The following MFSD6 variants were observed in gnomAD, a reference collection of about 807,000 sequenced individuals.
MFSD6 encodes the protein major facilitator superfamily domain containing 6.
MFSD6 carries 26 observed loss-of-function variants against 56.3 expected under a neutral mutation model. That is an observed-to-expected ratio of 0.46 (90% CI 0.34 to 0.64). MFSD6 has a LOEUF of 0.64. MFSD6 is among the 30% of genes least tolerant of loss of function. The pLI is 0.01. For synonymous variants in MFSD6, 331 were observed against 366.9 expected (o/e 0.90, Z 1.12); for missense variants, 750 against 986.2 (o/e 0.76, Z 3.21).
chr2:190,467,512 C>G lies in MFSD6; in HGVS notation c.1533-2246C>G, dbSNP rs766652179. Among the ~76,000 whole-genome samples, 1 of 152,148 alleles carries G rather than the reference C, an allele frequency of 6.6e-6. No individual in the cohort carries two copies. Among genetic ancestry groups the G allele is most frequent in the Non-Finnish European group, 1.5e-5 (1 of 68,030 alleles). ...CCTGTAATCCCAGCTAGTCAGGAGG[C>G]TGAGGCGGGAGAATTGCTTGAACCT... is the stretch of plus-strand genomic sequence containing the variant. On this transcript the variant is annotated intron_variant, in intron 3 of 7. Coordinates refer to ENST00000392328, the MANE Select transcript of MFSD6 (RefSeq NM_017694.4). The surrounding 1 kb of genome is among the most constrained non-coding windows in gnomAD (Gnocchi z 5.5).
chr2:190,483,626 A>G (rs1307602523), intron 4 of MFSD6, among the ~76,000 whole-genome samples: 4 of 152,028 alleles, frequency 2.6e-5, no homozygotes, highest in Non-Finnish European at 5.9e-5. Context: ...CACGAGGTCA[A>G]GAGATCAAGA....
rs375435818 is a variant in MFSD6, at chr2:190,433,479, A to C, written c.-53-2498A>C. The stretch of plus-strand genomic sequence containing the variant: ...CTTCACATTTTCTAGGAGGAAAAAA[A>C]TGTTTTTCTTTCACTATTAAGAAAA... On this transcript the variant is annotated intron_variant, in intron 2 of 7. Transcript: ENST00000392328. This position sits in a 1 kb window ranked among gnomAD's most constrained non-coding sequence, Gnocchi z 4.5. 49 of 152,344 alleles carry C rather than the reference A, an allele frequency of 3.2e-4. No individual in the cohort carries two copies. The highest frequency in any genetic ancestry group is 1.1e-3 in the African/African-American group (46 of 41,582). The allele number at this position is 152,344 out of a possible 1,614,324, so 9.4% of individuals were successfully genotyped here.
At position 190,488,619 on chromosome 2, in the gene MFSD6, C is replaced by A; in HGVS notation, c.1631-38C>A. ...TCAAAACAGAGTAGCCTAAGAAATG[C>A]TAACCAACTAATCCCTCCTGCTCTT... On this transcript the variant is annotated intron_variant, in intron 4 of 7. Coordinates refer to ENST00000392328, the MANE Select transcript of MFSD6 (RefSeq NM_017694.4). This position sits in a 1 kb window ranked among gnomAD's most constrained non-coding sequence, Gnocchi z 6.4. The A allele has an allele frequency of 7.1e-7, 1 of 1,407,158 alleles. No individual in the cohort carries two copies. Among genetic ancestry groups the A allele is most frequent in the African/African-American group, 1.5e-5 (1 of 67,826 alleles). 87.2% of individuals were successfully genotyped at this position (1,407,158 alleles called of 1,614,324 possible). A position where few individuals can be genotyped will look rare whatever the true frequency, so the allele number is the denominator to read the frequency against.
chr2:190,431,578 G>A lies in MFSD6; in HGVS notation c.-53-4399G>A, dbSNP rs568773714. 3.3e-5 allele frequency among the ~76,000 whole-genome samples: 5 copies of A among 152,336 alleles called. No individual in the cohort carries two copies. The highest frequency in any genetic ancestry group is 2.1e-4 in the South Asian group (1 of 4,830). ...AAACCAGTCAGGTGTGGCGGCGCGC[G>A]CCTGCAATCGCAGGCACTTGGCAGG... On this transcript the variant is annotated intron_variant, in intron 2 of 7. Coordinates refer to ENST00000392328, the MANE Select transcript of MFSD6 (RefSeq NM_017694.4). This position sits in a 1 kb window ranked among gnomAD's most constrained non-coding sequence, Gnocchi z 4.4.
intron 6 of MFSD6, among the ~76,000 whole-genome samples, chr2:190,493,611 A>G (rs1191961635): frequency 2.6e-5 from 4 of 152,238 alleles, no homozygotes; most frequent in Admixed American, 2.0e-4. Context: ...AAGATAGACT[A>G]TATGATAGGC....
Position 190,496,088 on chromosome 2 carries a change from T to C in MFSD6, c.1892-1351T>C, listed in dbSNP as rs768851946. 6.6e-6 allele frequency among the ~76,000 whole-genome samples: 1 copy of C among 151,770 alleles called. No individual in the cohort carries two copies. The highest frequency in any genetic ancestry group is 2.4e-5 in the African/African-American group (1 of 41,296). On this transcript the variant is annotated intron_variant, in intron 6 of 7. Coordinates refer to ENST00000392328, the MANE Select transcript of MFSD6 (RefSeq NM_017694.4). This position sits in a 1 kb window ranked among gnomAD's most constrained non-coding sequence, Gnocchi z 4.7. ...AGTGGGAGAAAATCTTCAGTCTATATATCCGACAAAGGACTAATATCCAGA... is the reference window on the plus strand; with the variant it reads ...AGTGGGAGAAAATCTTCAGTCTATACATCCGACAAAGGACTAATATCCAGA...
Position 190,408,386 on chromosome 2 carries a change from C to T in MFSD6, c.-293C>T, listed in dbSNP as rs1479142466. ...GCCCCGGAGGAGCGCGCGAGCAGCC[C>T]GGGATGGTGCGCGCTGCCCCGACAG... On this transcript the variant is annotated 5_prime_UTR_variant, in exon 1 of 8. Coordinates refer to ENST00000392328, the MANE Select transcript of MFSD6 (RefSeq NM_017694.4). 2 of 150,552 alleles carry T rather than the reference C, an allele frequency of 1.3e-5. No homozygotes were observed. Among genetic ancestry groups the T allele is most frequent in the African/African-American group, 4.9e-5 (2 of 41,064 alleles). The allele number at this position is 150,552 out of a possible 1,614,324, so 9.3% of individuals were successfully genotyped here.
In MFSD6 at chr2:190,425,315, GTCTTTTGTTT is replaced by G. The variant is rs1685753724; in HGVS notation, c.-54+9909_-54+9918del. The stretch of plus-strand genomic sequence containing the variant: ...CAGTTTCTTTGTTTTTGATCTGTAT[GTCTTTTGTTT>G]TCTTTTATTTCCTATTGCACTGGTG... On this transcript the variant is annotated intron_variant, in intron 2 of 7. Transcript: ENST00000392328. This position sits in a 1 kb window ranked among gnomAD's most constrained non-coding sequence, Gnocchi z 4.3. Among the ~76,000 whole-genome samples the G allele has an allele frequency of 7.9e-5, 12 of 152,266 alleles. 2 individuals are homozygous for G. The South Asian group carries it at 2.5e-3, about 32-fold the overall frequency.
intron 3 of MFSD6, among the ~76,000 whole-genome samples, chr2:190,453,465 T>G (rs1315575112): frequency 6.6e-6 from 1 of 152,228 alleles, no homozygotes; most frequent in African/African-American, 2.4e-5. Context: ...CTCCTCTCTA[T>G]TCCCCTTTCT....
At position 190,481,292 on chromosome 2, in the gene MFSD6, C is replaced by CAACACATATATTTTTTTAAGT. The variant is rs1378445801; in HGVS notation, c.1631-7362_1631-7361insACATATATTTTTTTAAGTAAC. Among the ~76,000 whole-genome samples, 6 of 152,234 alleles carry CAACACATATATTTTTTTAAGT rather than the reference C, an allele frequency of 3.9e-5. No homozygotes were observed. The East Asian group carries it at 1.2e-3, about 29-fold the overall frequency. On this transcript the variant is annotated intron_variant, in intron 4 of 7. Coordinates refer to ENST00000392328, the MANE Select transcript of MFSD6 (RefSeq NM_017694.4). ...ACATCAGTTATAGACTTTTTTTAAG[C>CAACACATATATTTTTTTAAGT]AACTCATATATTTTTTTAAGTTTGC... is the stretch of plus-strand genomic sequence containing the variant.
chr2:190,499,842 G>T lies in MFSD6; in HGVS notation c.2173-173G>T. On this transcript the variant is annotated intron_variant, in intron 7 of 7. Coordinates refer to ENST00000392328, the MANE Select transcript of MFSD6 (RefSeq NM_017694.4). This position sits in a 1 kb window ranked among gnomAD's most constrained non-coding sequence, Gnocchi z 6.0. Reference sequence around the variant, plus strand: ...ATGCGGCTCTGGCAGTTGCACATAGGAAAGGAGATGAAAGGTAAGACATTC... The same window carrying T: ...ATGCGGCTCTGGCAGTTGCACATAGTAAAGGAGATGAAAGGTAAGACATTC... 6.5e-7 allele frequency: 1 copy of T among 1,545,238 alleles called. No individual in the cohort carries two copies.
At position 190,416,073 on chromosome 2, in the gene MFSD6, A is replaced by G. The variant is rs1690763515; in HGVS notation, c.-54+660A>G. On this transcript the variant is annotated intron_variant, in intron 2 of 7. Coordinates refer to ENST00000392328, the MANE Select transcript of MFSD6 (RefSeq NM_017694.4). The surrounding 1 kb of genome is among the most constrained non-coding windows in gnomAD (Gnocchi z 4.1). ...AAGTTCTGGGGCCTGCTTCAAATTTATATTATAAATTATGCTATATTGGCA... is the reference window on the plus strand; with the variant it reads ...AAGTTCTGGGGCCTGCTTCAAATTTGTATTATAAATTATGCTATATTGGCA... Among the ~76,000 whole-genome samples, 1 of 152,238 alleles carries G rather than the reference A, an allele frequency of 6.6e-6. No homozygotes were observed. Among genetic ancestry groups the G allele is most frequent in the Non-Finnish European group, 1.5e-5 (1 of 68,048 alleles).
rs954309426 is a variant in MFSD6 at position 190,499,311 on chromosome 2, C to T, written c.2173-704C>T. Among the ~76,000 whole-genome samples the T allele has an allele frequency of 1.4e-4, 21 of 152,016 alleles. No homozygotes were observed. Among genetic ancestry groups the T allele is most frequent in the African/African-American group, 5.1e-4 (21 of 41,404 alleles). ...AAATGAACATTTTTATTTGGGTGTT[C>T]AGCCAAAAAGTGATGGGTACTAATT... On this transcript the variant is annotated intron_variant, in intron 7 of 7. Transcript: ENST00000392328. The surrounding 1 kb of genome is among the most constrained non-coding windows in gnomAD (Gnocchi z 6.0).
In MFSD6 at chr2:190,434,320, CA is replaced by C. The variant is rs1241886265; in HGVS notation, c.-53-1656del. ...ACACAAGACCTTTTGACACTTTAAT[CA>C]TTCAATCTTTAATAGAAGAAAGGGA... is the stretch of plus-strand genomic sequence containing the variant. On this transcript the variant is annotated intron_variant, in intron 2 of 7. Transcript: ENST00000392328. This position sits in a 1 kb window ranked among gnomAD's most constrained non-coding sequence, Gnocchi z 4.3. Among the ~76,000 whole-genome samples, 1 of 152,164 alleles carries C rather than the reference CA, an allele frequency of 6.6e-6. No homozygotes were observed. The highest frequency in any genetic ancestry group is 2.4e-5 in the African/African-American group (1 of 41,440).
rs750620948 is a variant in MFSD6, at chr2:190,436,981, G to C, written c.952G>C (p.Gly318Arg). The C allele has an allele frequency of 3.7e-6, 6 of 1,614,216 alleles. No individual in the cohort carries two copies. Among genetic ancestry groups the C allele is most frequent in the Non-Finnish European group, 5.1e-6 (6 of 1,180,036 alleles). The change falls in exon 3 of 8, where the codon GGA becomes CGA. Residue 318 changes from glycine (G) to arginine (R), a missense_variant. Physicochemically the swap from Gly to Arg is moderately radical, Grantham distance 125 (BLOSUM62 -2). This residue lies in a region of MFSD6 where 376 missense variants were observed against 437.9 expected (regional missense o/e 0.86). Coordinates refer to ENST00000392328, the MANE Select transcript of MFSD6 (RefSeq NM_017694.4). This position sits in a 1 kb window ranked among gnomAD's most constrained non-coding sequence, Gnocchi z 5.3. The stretch of plus-strand genomic sequence containing the variant: ...AGACACGGTCACACTCCAGTATCTG[G>C]GAAAACACAGAGATCGCTATGGGTT... The part of the protein sequence containing the change: ...IVDTVTLQYL[G>R]KHRDRYGLQR...
At position 190,456,904 on chromosome 2, in the gene MFSD6, G is replaced by A. The variant is rs1041629071; in HGVS notation, c.1533-12854G>A. On this transcript the variant is annotated intron_variant, in intron 3 of 7. Transcript: ENST00000392328. The surrounding 1 kb of genome is among the most constrained non-coding windows in gnomAD (Gnocchi z 5.4). ...TGATCTAGGATATTGGACAACTGTTGAGTGGCATTTGCTTTTCTACTTTCC... is the reference window on the plus strand; with the variant it reads ...TGATCTAGGATATTGGACAACTGTTAAGTGGCATTTGCTTTTCTACTTTCC... Among the ~76,000 whole-genome samples, 6 of 152,282 alleles carry A rather than the reference G, an allele frequency of 3.9e-5. No homozygotes were observed. The highest frequency in any genetic ancestry group is 7.4e-5 in the Non-Finnish European group (5 of 68,024).
At position 190,492,064 on chromosome 2, in the gene MFSD6, A is replaced by G. The variant is rs1689393805; in HGVS notation, c.1891+2198A>G. Among the ~76,000 whole-genome samples the G allele has an allele frequency of 6.6e-6, 1 of 152,320 alleles. No homozygotes were observed. Among genetic ancestry groups the G allele is most frequent in the South Asian group, 2.1e-4 (1 of 4,826 alleles). On this transcript the variant is annotated intron_variant, in intron 6 of 7. Transcript: ENST00000392328. This position sits in a 1 kb window ranked among gnomAD's most constrained non-coding sequence, Gnocchi z 5.2. Reference sequence around the variant, plus strand: ...TCGAAGAAGCAGAAGAAAGAACTTCAGAGCTCAAAGACAAGGTTTTTGAAT... The same window carrying G: ...TCGAAGAAGCAGAAGAAAGAACTTCGGAGCTCAAAGACAAGGTTTTTGAAT...
rs973054984 is a variant in MFSD6 at position 190,434,252 on chromosome 2, T to C, written c.-53-1725T>C. Reference sequence around the variant, plus strand: ...ACACATATTTAATGTATATACTTCCTACCATCAGAATCTGTTCATTGGAAC... The same window carrying C: ...ACACATATTTAATGTATATACTTCCCACCATCAGAATCTGTTCATTGGAAC... On this transcript the variant is annotated intron_variant, in intron 2 of 7. Transcript: ENST00000392328. The surrounding 1 kb of genome is among the most constrained non-coding windows in gnomAD (Gnocchi z 4.3). Among the ~76,000 whole-genome samples the C allele has an allele frequency of 6.6e-6, 1 of 151,916 alleles. No homozygotes were observed. The highest frequency in any genetic ancestry group is 2.4e-5 in the African/African-American group (1 of 41,376).
intron 3 of MFSD6, among the ~76,000 whole-genome samples, chr2:190,466,115 T>G (rs139937239): frequency 2.6e-5 from 4 of 152,342 alleles, no homozygotes; most frequent in African/African-American, 9.6e-5. Context: ...TGCCTGCTTG[T>G]GTCCTAATCT....
Sources: allele counts gnomAD v4.1 joint callset (sites outside exome capture counted in the v4.1 genomes callset), GRCh38; gene constraint gnomAD v4.1.1; regional missense constraint gnomAD v4.1.1; non-coding constraint Gnocchi (gnomAD v3.1); transcripts MANE v1.5; gene names NCBI Gene and HGNC (gene_info 2026-07-23, HGNC 2026-07-21).